The following ME1 variants were observed in gnomAD, a reference collection of about 807,000 sequenced individuals.
ME1 encodes the protein NADP-dependent malic enzyme.
A neutral mutation model predicts 66.4 loss-of-function variants in ME1; 74 were observed. The ratio of observed to expected loss-of-function variants is 1.11; its 90% CI spans 0.92 to 1.35. ME1 has a LOEUF of 1.35. Among genes scored for constraint, ME1 ranks in the 40% most tolerant of loss-of-function variants. ME1 has a pLI of 0.00. For synonymous variants in ME1, 251 were observed against 235.6 expected (o/e 1.07, Z -0.60); for missense variants, 750 against 694.1 (o/e 1.08, Z -0.90).
chr6:83,248,768 G>C (rs1790668640), intron 7 of ME1, among the ~76,000 whole-genome samples: 1 of 152,242 alleles, frequency 6.6e-6, no homozygotes, highest in East Asian at 1.9e-4. Flanking sequence ...TAAGTTTCCT[G>C]AGGCCTCCTC....
In ME1 at chr6:83,407,702, C is replaced by T. The variant is rs550946489; in HGVS notation, c.212+66G>A. 17 of 1,375,062 alleles carry T rather than the reference C, an allele frequency of 1.2e-5. No homozygotes were observed. In the South Asian group the frequency reaches 3.1e-4, roughly 25 times the overall value. 85.2% of individuals were successfully genotyped at this position (1,375,062 alleles called of 1,614,324 possible). A position where few individuals can be genotyped will look rare whatever the true frequency, so the allele number is the denominator to read the frequency against. On this transcript the variant is annotated intron_variant, in intron 2 of 13. Coordinates refer to ENST00000369705, the MANE Select transcript of ME1 (RefSeq NM_002395.6). ...TCATTAAATGTTTTCATTTTCTCAC[C>T]CAATAAAAAATAAACTAGACAACTG...
intron 5 of ME1, among the ~76,000 whole-genome samples, chr6:83,328,470 T>A (rs754439901): frequency 4.6e-5 from 7 of 152,150 alleles, no homozygotes; most frequent in Non-Finnish European, 7.4e-5. Context: ...TATAAAAAAA[T>A]TCTTCCAATC....
At chr6:83,350,911 G>C (rs941895953) in intron 4 of ME1, among the ~76,000 whole-genome samples, 85 of 135,804 alleles carry the variant, frequency 6.3e-4, no homozygotes, top group African/African-American at 2.3e-3. Flanking sequence ...ACCAGAATCT[G>C]TGGATAACAT....
chr6:83,391,616 G>T (rs1360510163), intron 3 of ME1, among the ~76,000 whole-genome samples: 1 of 151,854 alleles, frequency 6.6e-6, no homozygotes. Flanking sequence ...AAGAGTAAAA[G>T]CCAATGTTCT....
At chr6:83,356,243 C>A (rs1344652340) in intron 3 of ME1, among the ~76,000 whole-genome samples, 1 of 151,952 alleles carries the variant, frequency 6.6e-6, no homozygotes, top group Non-Finnish European at 1.5e-5. Context: ...TCTTAATAAC[C>A]CTCTGTTCCA....
intron 6 of ME1, among the ~76,000 whole-genome samples, chr6:83,307,680 G>C (rs1375538636): frequency 2.0e-5 from 3 of 152,050 alleles, no homozygotes; most frequent in African/African-American, 7.2e-5. Context: ...AGGTAGTACA[G>C]AAAGTTAGCC....
At chr6:83,419,128 T>TG (rs1770216021) in intron 1 of ME1, among the ~76,000 whole-genome samples, 2 of 124,618 alleles carry the variant, frequency 1.6e-5, no homozygotes, top group Non-Finnish European at 3.4e-5. Context: ...AACATTATCC[T>TG]AAGTATGGGA....
intron 1 of ME1, among the ~76,000 whole-genome samples, chr6:83,414,111 GAA>G (rs758493692): frequency 6.0e-5 from 4 of 66,504 alleles, no homozygotes; most frequent in Non-Finnish European, 1.3e-4. Context: ...ACCCCATCTT[GAA>G]AAAAAAAAAA....
chr6:83,390,375 T>C (rs963221146), intron 3 of ME1, among the ~76,000 whole-genome samples: 1 of 152,150 alleles, frequency 6.6e-6, no homozygotes, highest in Non-Finnish European at 1.5e-5. Flanking sequence ...TACCTGCTGT[T>C]GTAGTAGATA....
At chr6:83,273,908 T>C (rs1436463987) in intron 6 of ME1, among the ~76,000 whole-genome samples, 2 of 152,200 alleles carry the variant, frequency 1.3e-5, no homozygotes, top group African/African-American at 4.8e-5. Context: ...AAAAGTATCC[T>C]ACTTTTACAG....
chr6:83,211,725 C>A lies in ME1; in HGVS notation c.*199G>T, dbSNP rs1443094510. The A allele has an allele frequency of 1.0e-5, 4 of 391,814 alleles. No homozygotes were observed. Among genetic ancestry groups the A allele is most frequent in the Non-Finnish European group, 1.8e-5 (4 of 222,354 alleles). 24.3% of individuals were successfully genotyped at this position (391,814 alleles called of 1,614,324 possible). ...TAATTCAGACAGAAACCATAAATAACCAGAAGGCAAAGTGAAGCAAAATTG... is the reference window on the plus strand; with the variant it reads ...TAATTCAGACAGAAACCATAAATAAACAGAAGGCAAAGTGAAGCAAAATTG... On this transcript the variant is annotated 3_prime_UTR_variant, in exon 14 of 14. Transcript: ENST00000369705.
intron 1 of ME1, among the ~76,000 whole-genome samples, chr6:83,419,343 C>T (rs946787218): frequency 1.3e-5 from 2 of 152,132 alleles, no homozygotes; most frequent in Non-Finnish European, 2.9e-5. Flanking sequence ...GATGGCTCAA[C>T]CTGATATCAT....
chr6:83,266,468 T>C (rs370106749), intron 6 of ME1, among the ~76,000 whole-genome samples: 2 of 151,800 alleles, frequency 1.3e-5, no homozygotes, highest in South Asian at 2.1e-4. Context: ...ATCAATAACA[T>C]GTCCTGAGTT....
intron 1 of ME1, among the ~76,000 whole-genome samples, chr6:83,409,335 G>A (rs1770003613): frequency 6.6e-6 from 1 of 152,182 alleles, no homozygotes; most frequent in East Asian, 1.9e-4. Context: ...ACTTTGCACT[G>A]AGTGATTCTA....
Position 83,346,192 on chromosome 6 carries a change from T to G in ME1, c.581A>C (p.Asp194Ala). Residue 194 changes from aspartate to alanine, a missense_variant, in exon 5 of 14, where the codon GAT becomes GCT. By Grantham distance (126) the Asp-to-Ala change is moderately radical. Coordinates refer to ENST00000369705, the MANE Select transcript of ME1 (RefSeq NM_002395.6). ...ATTTACCTCATTTTCGGTTCCCACA[T>G]CCAGAATGACAGGCAGACATTCTTG... ...NPQECLPVIL[D>A]VGTENEELLK... 6.2e-7 allele frequency: 1 copy of G among 1,609,242 alleles called. No individual in the cohort carries two copies. The highest frequency in any genetic ancestry group is 8.5e-7 in the Non-Finnish European group (1 of 1,177,252).
intron 3 of ME1, among the ~76,000 whole-genome samples, chr6:83,352,414 T>C (rs1768819640): frequency 6.6e-6 from 1 of 152,156 alleles, no homozygotes; most frequent in African/African-American, 2.4e-5. Context: ...TTTACTATTT[T>C]TATGTACAGA....
chr6:83,300,610 C>T (rs796812542), intron 6 of ME1, among the ~76,000 whole-genome samples: 31 of 84,966 alleles, frequency 3.6e-4, no homozygotes, highest in South Asian at 9.3e-4. Context: ...TTCTTTCTTT[C>T]TTTTTTTTTT....
chr6:83,310,017 C>G (rs1352109731), intron 6 of ME1, among the ~76,000 whole-genome samples: 1 of 152,126 alleles, frequency 6.6e-6, no homozygotes, highest in Non-Finnish European at 1.5e-5. Context: ...ATTTGTTGAA[C>G]AGGCCAGTAC....
chr6:83,255,382 T>G (rs1766747372), intron 6 of ME1, among the ~76,000 whole-genome samples: 1 of 151,992 alleles, frequency 6.6e-6, no homozygotes, highest in Non-Finnish European at 1.5e-5. Flanking sequence ...TTAGACAGTG[T>G]TCCTAATTGT....
Sources: allele counts gnomAD v4.1 joint callset (sites outside exome capture counted in the v4.1 genomes callset), GRCh38; gene constraint gnomAD v4.1.1; transcripts MANE v1.5; gene names NCBI Gene and HGNC (gene_info 2026-07-23, HGNC 2026-07-21).